Variants in DCC observed in about 807,000 individuals in gnomAD.
DCC encodes the protein DCC netrin 1 receptor, also known as netrin receptor DCC.
Under a neutral mutation model 172.5 loss-of-function variants are expected in DCC, and 58 were observed. The observed-to-expected ratio is 0.34, with a 90% CI of 0.27 to 0.42. The LOEUF is 0.42. DCC is among the 10% of genes least tolerant of loss of function. The pLI, the probability that DCC is intolerant of heterozygous loss-of-function variation, is 1.00. For synonymous variants in DCC, 709 were observed against 644.5 expected (o/e 1.10, Z -1.52); for missense variants, 1,740 against 1,791.0 (o/e 0.97, Z 0.51).
intron 13 of DCC, among the ~76,000 whole-genome samples, chr18:53,312,392 C>T (rs1301287748): frequency 1.4e-5 from 2 of 143,164 alleles, no homozygotes; most frequent in Non-Finnish European, 3.0e-5. Context: ...GATTACCATA[C>T]AGCTAGAGGA....
intron 8 of DCC, among the ~76,000 whole-genome samples, chr18:53,161,999 T>C (rs1191944096): frequency 6.6e-6 from 1 of 152,040 alleles, no homozygotes; most frequent in Non-Finnish European, 1.5e-5. Context: ...TAAAATCAAA[T>C]AAATAAAAAC....
chr18:53,392,142 T>C (rs1908587830), intron 17 of DCC, among the ~76,000 whole-genome samples: 1 of 152,128 alleles, frequency 6.6e-6, no homozygotes, highest in Admixed American at 6.5e-5. Flanking sequence ...TGAGTTTGTA[T>C]AAATGATTTG....
intron 1 of DCC, among the ~76,000 whole-genome samples, chr18:52,575,393 A>T (rs1319870982): frequency 6.6e-6 from 1 of 152,230 alleles, no homozygotes; most frequent in Non-Finnish European, 1.5e-5. Context: ...TAGATGGTGT[A>T]GGATATTTAT....
At chr18:53,001,952 C>A (rs1403305968) in intron 5 of DCC, among the ~76,000 whole-genome samples, 3 of 152,050 alleles carry the variant, frequency 2.0e-5, no homozygotes, top group African/African-American at 7.2e-5. Flanking sequence ...CTAGCCTTTA[C>A]CCCATGAAAA....
At chr18:52,897,814 CTG>C (rs1357820211) in intron 2 of DCC, among the ~76,000 whole-genome samples, 2 of 152,008 alleles carry the variant, frequency 1.3e-5, no homozygotes, top group African/African-American at 4.8e-5. Context: ...ACCTGGGAGT[CTG>C]TAATTTTGCC....
intron 1 of DCC, among the ~76,000 whole-genome samples, chr18:52,354,487 A>G (rs531415723): frequency 3.9e-5 from 6 of 152,312 alleles, no homozygotes; most frequent in South Asian, 2.1e-4. Context: ...CTTGACATCC[A>G]AAACTGAAGG....
At chr18:53,257,156 A>C (rs1242304396) in intron 12 of DCC, among the ~76,000 whole-genome samples, 1 of 152,194 alleles carries the variant, frequency 6.6e-6, no homozygotes, top group Non-Finnish European at 1.5e-5. Flanking sequence ...TGTCATCTGC[A>C]AACAGGGACA....
At chr18:52,775,336 C>T (rs2037410914) in intron 2 of DCC, among the ~76,000 whole-genome samples, 1 of 152,136 alleles carries the variant, frequency 6.6e-6, no homozygotes, top group Admixed American at 6.5e-5. Context: ...GTGTGTGATA[C>T]AGGGTGCTCT....
intron 5 of DCC, among the ~76,000 whole-genome samples, chr18:53,035,311 T>C (rs1017986993): frequency 1.3e-5 from 2 of 152,038 alleles, no homozygotes; most frequent in African/African-American, 4.8e-5. Flanking sequence ...TAAAGTACAA[T>C]ATGTGCTCCC....
At chr18:52,565,494 C>T (rs1042976104) in intron 1 of DCC, among the ~76,000 whole-genome samples, 2 of 152,156 alleles carry the variant, frequency 1.3e-5, no homozygotes, top group African/African-American at 4.8e-5. Flanking sequence ...ACATCCTCTC[C>T]AGCATCTGTT....
chr18:53,156,700 C>T (rs866733103), intron 7 of DCC, among the ~76,000 whole-genome samples: 2 of 151,964 alleles, frequency 1.3e-5, no homozygotes, highest in African/African-American at 2.4e-5. Context: ...GTTAAAAATG[C>T]CAATAGGTTA....
chr18:52,789,547 T>A (rs1037484877), intron 2 of DCC, among the ~76,000 whole-genome samples: 1 of 152,218 alleles, frequency 6.6e-6, no homozygotes, highest in East Asian at 1.9e-4. Context: ...TACTCAACTT[T>A]AGCCACGCTA....
At chr18:52,681,406 A>C (rs945625712) in intron 1 of DCC, among the ~76,000 whole-genome samples, 2 of 152,146 alleles carry the variant, frequency 1.3e-5, no homozygotes, top group Non-Finnish European at 2.9e-5. Context: ...TTGCAAACAC[A>C]CACCAAAAAT....
intron 7 of DCC, among the ~76,000 whole-genome samples, chr18:53,107,716 A>G (rs1228741664): frequency 6.6e-6 from 1 of 151,802 alleles, no homozygotes; most frequent in African/African-American, 2.4e-5. Flanking sequence ...ATTCATATTT[A>G]AAGAGAGGCT....
At chr18:53,068,642 G>A (rs962485988) in intron 7 of DCC, among the ~76,000 whole-genome samples, 1 of 152,000 alleles carries the variant, frequency 6.6e-6, no homozygotes, top group African/African-American at 2.4e-5. Flanking sequence ...AGTCCAGTGA[G>A]CATCCCTGTA....
intron 7 of DCC, among the ~76,000 whole-genome samples, chr18:53,128,174 T>A (rs2043593621): frequency 6.6e-6 from 1 of 152,166 alleles, no homozygotes; most frequent in Admixed American, 6.6e-5. Context: ...TGGTTGCAAC[T>A]TCTTTTCTCA....
chr18:52,440,338 C>T (rs1430984392), intron 1 of DCC, among the ~76,000 whole-genome samples: 3 of 152,168 alleles, frequency 2.0e-5, no homozygotes, highest in African/African-American at 7.2e-5. Flanking sequence ...TTCTTAGAAG[C>T]TTGGCAAGAC....
At chr18:52,998,854 T>C (rs1437142912) in intron 5 of DCC, among the ~76,000 whole-genome samples, 2 of 151,984 alleles carry the variant, frequency 1.3e-5, no homozygotes, top group Non-Finnish European at 2.9e-5. Context: ...AGAAAACCTG[T>C]CTGGAGTACA....
intron 9 of DCC, among the ~76,000 whole-genome samples, chr18:53,179,878 A>G (rs1005231488): frequency 6.8e-6 from 1 of 147,766 alleles, no homozygotes; most frequent in African/African-American, 2.4e-5. Flanking sequence ...TTAAAAAACG[A>G]TTGGAATTTA....
Sources: allele counts gnomAD v4.1 joint callset (sites outside exome capture counted in the v4.1 genomes callset), GRCh38; gene constraint gnomAD v4.1.1; transcripts MANE v1.5; gene names NCBI Gene and HGNC (gene_info 2026-07-23, HGNC 2026-07-21).